Variants in MAP4K3 observed in about 807,000 individuals in gnomAD.
MAP4K3 encodes the protein mitogen-activated protein kinase kinase kinase kinase 3, also known as MAPK/ERK kinase kinase kinase 3.
MAP4K3 carries 94 observed loss-of-function variants against 143.5 expected under a neutral mutation model. The observed-to-expected ratio is 0.65, with a 90% CI of 0.55 to 0.78. MAP4K3 has a LOEUF of 0.78. MAP4K3 is among the 30% of genes least tolerant of loss of function. The pLI is 0.00. For missense variants in MAP4K3, 1,077 were observed against 1,068.1 expected, an observed-to-expected ratio of 1.01 and a Z score of -0.12; for synonymous variants, 416 against 347.2, an observed-to-expected ratio of 1.20 and a Z score of -2.20.
intron 1 of MAP4K3, among the ~76,000 whole-genome samples, chr2:39,409,087 C>T (rs1323760397): frequency 1.3e-5 from 2 of 152,184 alleles, no homozygotes; most frequent in Admixed American, 1.3e-4. Flanking sequence ...CCAACCCTTC[C>T]TCTTCCTCCT....
Position 39,308,018 on chromosome 2 carries a change from G to A in MAP4K3, c.1057-13C>T, listed in dbSNP as rs1263907259. The A allele has an allele frequency of 1.9e-6, 3 of 1,580,498 alleles. No individual in the cohort carries two copies. The highest frequency in any genetic ancestry group is 1.7e-6 in the Non-Finnish European group (2 of 1,164,720). On this transcript the variant is annotated splice_polypyrimidine_tract_variant and intron_variant, in intron 14 of 33. Coordinates refer to ENST00000263881, the MANE Select transcript of MAP4K3 (RefSeq NM_003618.4). ...CATCACTGTCGGGCTGTTTAGCAGAGACCAAGAAACCCAAGTTATTTACGC... is the reference window on the plus strand; with the variant it reads ...CATCACTGTCGGGCTGTTTAGCAGAAACCAAGAAACCCAAGTTATTTACGC...
intron 15 of MAP4K3, among the ~76,000 whole-genome samples, chr2:39,301,025 C>A (rs1682489116): frequency 6.6e-6 from 1 of 152,088 alleles, no homozygotes; most frequent in Non-Finnish European, 1.5e-5. Flanking sequence ...ATACACAAAG[C>A]TAATTCTAAA....
chr2:39,359,813 G>A (rs1054595299), intron 2 of MAP4K3, among the ~76,000 whole-genome samples: 4 of 152,346 alleles, frequency 2.6e-5, no homozygotes, highest in South Asian at 2.1e-4. Context: ...TTTTAGCCAC[G>A]GCTGGAGCGG....
At chr2:39,377,746 C>T (rs1195882870) in intron 2 of MAP4K3, among the ~76,000 whole-genome samples, 1 of 152,176 alleles carries the variant, frequency 6.6e-6, no homozygotes, top group Admixed American at 6.5e-5. Context: ...CTACATCACA[C>T]TGACACCACA....
chr2:39,375,375 T>C (rs559574396), intron 2 of MAP4K3, among the ~76,000 whole-genome samples: 1 of 152,180 alleles, frequency 6.6e-6, no homozygotes, highest in South Asian at 2.1e-4. Flanking sequence ...GAGATATCTA[T>C]CAAGTCACCA....
chr2:39,391,358 CAAAAAAAAA>C (rs755777714), intron 1 of MAP4K3, among the ~76,000 whole-genome samples: 10 of 45,432 alleles, frequency 2.2e-4, no homozygotes, highest in Non-Finnish European at 3.4e-4. Flanking sequence ...GACTCCATCT[CAAAAAAAAA>C]AAAAAAAAAA....
chr2:39,392,553 A>G (rs1176718407), intron 1 of MAP4K3, among the ~76,000 whole-genome samples: 1 of 152,184 alleles, frequency 6.6e-6, no homozygotes, highest in Non-Finnish European at 1.5e-5. Context: ...CTGAATACAA[A>G]CTGATATATG....
In MAP4K3 at chr2:39,315,296, T is replaced by G. The variant is rs755794313; in HGVS notation, c.997+14A>C. 1 of 1,507,588 alleles carries G rather than the reference T, an allele frequency of 6.6e-7. No homozygotes were observed. The allele number at this position is 1,507,588 out of a possible 1,614,324, so 93.4% of individuals were successfully genotyped here. On this transcript the variant is annotated intron_variant, in intron 13 of 33. Coordinates refer to ENST00000263881, the MANE Select transcript of MAP4K3 (RefSeq NM_003618.4). ...CTATCATTAAATCATAAACTGTGTATAGTATATACTTACAGGTTATCTCTG... is the reference window on the plus strand; with the variant it reads ...CTATCATTAAATCATAAACTGTGTAGAGTATATACTTACAGGTTATCTCTG...
At chr2:39,410,593 A>C (rs535679508) in intron 1 of MAP4K3, among the ~76,000 whole-genome samples, 1 of 152,322 alleles carries the variant, frequency 6.6e-6, no homozygotes, top group Non-Finnish European at 1.5e-5. Context: ...AGAAAGCAGT[A>C]TTTCTCTTCC....
chr2:39,343,404 T>C lies in MAP4K3; in HGVS notation c.294A>G (p.Leu98=). 1.2e-6 allele frequency: 2 copies of C among 1,613,046 alleles called. No homozygotes were observed. Among genetic ancestry groups the C allele is most frequent in the Non-Finnish European group, 8.5e-7 (1 of 1,179,396 alleles). ...ICMEFCGGGS[L]QDIYHVTGPL... ...TGGTCTTACCGTGATAAATATCCTG[T>C]AAAGAACCACCTCCACAAAACTCCA... Residue 98 remains leucine (L), a synonymous_variant, in exon 4 of 34, where the codon TTA becomes TTG. Transcript: ENST00000263881.
At chr2:39,389,607 GC>G (rs1666598919) in intron 1 of MAP4K3, among the ~76,000 whole-genome samples, 1 of 152,114 alleles carries the variant, frequency 6.6e-6, no homozygotes, top group South Asian at 2.1e-4. Context: ...AAAAAAGAAA[GC>G]CAGAAAGACT....
At chr2:39,415,785 C>G (rs547931890) in intron 1 of MAP4K3, among the ~76,000 whole-genome samples, 4 of 150,296 alleles carry the variant, frequency 2.7e-5, no homozygotes, top group Non-Finnish European at 5.9e-5. Flanking sequence ...AACCCCATCT[C>G]TACCAAAAAT....
intron 8 of MAP4K3, among the ~76,000 whole-genome samples, chr2:39,330,572 G>C (rs1485803842): frequency 2.6e-5 from 4 of 152,066 alleles, no homozygotes; most frequent in Admixed American, 1.3e-4. Context: ...AAAAGAGCTA[G>C]AGAATTCAAC....
At chr2:39,282,454 A>C in intron 22 of MAP4K3, 59 bp downstream of exon 22, 1 of 1,364,980 alleles carries the variant, frequency 7.3e-7, no homozygotes, top group Non-Finnish European at 1.0e-6. Context: ...ACCTAAGCAA[A>C]GATAACACAC....
intron 1 of MAP4K3, among the ~76,000 whole-genome samples, chr2:39,424,560 T>C (rs192775601): frequency 1.8e-4 from 27 of 152,016 alleles, no homozygotes; most frequent in Non-Finnish European, 3.2e-4. Flanking sequence ...CCAGGCGCAG[T>C]GGCTCAAGCC....
intron 32 of MAP4K3, among the ~76,000 whole-genome samples, chr2:39,254,061 C>T (rs1198590083): frequency 6.6e-6 from 1 of 152,150 alleles, no homozygotes; most frequent in African/African-American, 2.4e-5. Context: ...TACTTATAGT[C>T]TGCGCTGGTC....
At chr2:39,411,692 C>T (rs1667236627) in intron 1 of MAP4K3, among the ~76,000 whole-genome samples, 1 of 152,152 alleles carries the variant, frequency 6.6e-6, no homozygotes, top group South Asian at 2.1e-4. Context: ...CTGTCAAGTA[C>T]TTTCATGAGC....
intron 27 of MAP4K3, among the ~76,000 whole-genome samples, chr2:39,266,041 A>T (rs548252577): frequency 6.6e-6 from 1 of 152,234 alleles, no homozygotes; most frequent in African/African-American, 2.4e-5. Context: ...GAGAACAGCA[A>T]AACTGTCCCG....
intron 2 of MAP4K3, among the ~76,000 whole-genome samples, chr2:39,357,112 A>G (rs996184231): frequency 6.6e-6 from 1 of 152,142 alleles, no homozygotes; most frequent in Admixed American, 6.5e-5. Context: ...TCTCTCTCCT[A>G]CTGCCTCCTT....
Sources: allele counts gnomAD v4.1 joint callset (sites outside exome capture counted in the v4.1 genomes callset), GRCh38; gene constraint gnomAD v4.1.1; transcripts MANE v1.5; gene names NCBI Gene and HGNC (gene_info 2026-07-23, HGNC 2026-07-21).